Variants in ATP2B2 observed in about 807,000 individuals in gnomAD.
The protein encoded by ATP2B2 is ATPase plasma membrane Ca2+ transporting 2.
ATP2B2 carries 15 observed loss-of-function variants against 120.0 expected under a neutral mutation model. That is an observed-to-expected ratio of 0.12 (90% CI 0.08 to 0.19). The LOEUF (loss-of-function observed/expected upper bound fraction) is 0.19. ATP2B2 is among the 10% of genes least tolerant of loss of function. The probability of loss-of-function intolerance (pLI) is 1.00; values close to 1 mark genes in which losing one functional copy is unlikely to be tolerated. For missense variants in ATP2B2, 1,045 were observed against 1,719.8 expected, an observed-to-expected ratio of 0.61 and a Z score of 6.94; for synonymous variants, 694 against 700.3, an observed-to-expected ratio of 0.99 and a Z score of 0.14.
chr3:10,383,099 T>G (rs1000053378), intron 8 of ATP2B2, among the ~76,000 whole-genome samples: 1 of 150,412 alleles, frequency 6.6e-6, no homozygotes, highest in African/African-American at 2.4e-5. Flanking sequence ...TATTATACTT[T>G]AAGTTTTAGG....
intron 2 of ATP2B2, among the ~76,000 whole-genome samples, chr3:10,559,839 G>A (rs1005749153): frequency 1.3e-4 from 20 of 152,226 alleles, no homozygotes; most frequent in Non-Finnish European, 2.2e-4. Context: ...TGAGTCCCGG[G>A]TATTCCATTT....
At chr3:10,597,281 A>G (rs1449985067) in intron 2 of ATP2B2, among the ~76,000 whole-genome samples, 1 of 138,292 alleles carries the variant, frequency 7.2e-6, no homozygotes, top group Non-Finnish European at 1.5e-5. Flanking sequence ...GCACACACAC[A>G]GGTACACACA....
intron 2 of ATP2B2, among the ~76,000 whole-genome samples, chr3:10,419,719 C>T (rs1282881559): frequency 2.0e-5 from 3 of 152,224 alleles, no homozygotes; most frequent in Non-Finnish European, 2.9e-5. Context: ...GATGCACACA[C>T]TGAGGCACAG....
intron 2 of ATP2B2, among the ~76,000 whole-genome samples, chr3:10,589,099 G>A (rs1351405751): frequency 6.6e-6 from 1 of 152,196 alleles, no homozygotes; most frequent in Non-Finnish European, 1.5e-5. Flanking sequence ...GGGAGGACCT[G>A]GACCTGTAGG....
At chr3:10,528,801 A>G (rs1215470860) in intron 3 of ATP2B2, among the ~76,000 whole-genome samples, 1 of 152,244 alleles carries the variant, frequency 6.6e-6, no homozygotes, top group Non-Finnish European at 1.5e-5. Context: ...TTGCTTTTAA[A>G]AATACGGTTT....
chr3:10,692,769 G>A (rs1275927542), intron 1 of ATP2B2, among the ~76,000 whole-genome samples: 3 of 152,134 alleles, frequency 2.0e-5, no homozygotes, highest in Non-Finnish European at 4.4e-5. Context: ...ACAGCGATAT[G>A]CCCAGGAGCA....
chr3:10,582,235 T>C (rs1001182939), intron 2 of ATP2B2, among the ~76,000 whole-genome samples: 4 of 152,082 alleles, frequency 2.6e-5, no homozygotes, highest in African/African-American at 7.2e-5. Context: ...TTGGCCAGAA[T>C]TGCTGCAGGG....
chr3:10,666,075 C>T (rs115955764), intron 1 of ATP2B2, among the ~76,000 whole-genome samples: 18 of 152,324 alleles, frequency 1.2e-4, no homozygotes, highest in African/African-American at 4.1e-4. Flanking sequence ...GAATCGAGTT[C>T]ACCTGCTTAG....
exon 3 of ATP2B2, chr3:10,534,107 C>G (rs548203698): frequency 6.6e-6 from 1 of 152,530 alleles, no homozygotes; most frequent in African/African-American, 2.4e-5. Context: ...CTTGCTGGCT[C>G]TAGGGACTGG....
chr3:10,335,218 C>T (rs538061275), intron 22 of ATP2B2, among the ~76,000 whole-genome samples: 29 of 152,318 alleles, frequency 1.9e-4, no homozygotes, highest in Admixed American at 1.8e-3. Flanking sequence ...TCCCTCTGGG[C>T]CTGCTGGCAC....
intron 22 of ATP2B2, among the ~76,000 whole-genome samples, chr3:10,337,849 G>A (rs2060166172): frequency 6.6e-6 from 1 of 152,086 alleles, no homozygotes; most frequent in South Asian, 2.1e-4. Flanking sequence ...CTGAGCGACA[G>A]TCCCCTCACT....
chr3:10,345,351 C>G (rs377096228), intron 18 of ATP2B2, 33 bp downstream of exon 18: 17 of 1,613,058 alleles, frequency 1.1e-5, no homozygotes, highest in Non-Finnish European at 1.4e-5. Context: ...TCCGCCCTCC[C>G]CCAGGCTTTG....
At chr3:10,385,658 C>T (rs1284983558) in intron 7 of ATP2B2, among the ~76,000 whole-genome samples, 2 of 152,200 alleles carry the variant, frequency 1.3e-5, no homozygotes, top group African/African-American at 2.4e-5. Context: ...GAAGAGAGGG[C>T]TCCATGAAAT....
In ATP2B2 at chr3:10,553,992, C is replaced by G. The variant is rs117764714; in HGVS notation, c.-414-19859G>C. Among the ~76,000 whole-genome samples the G allele has an allele frequency of 4.6e-4, 50 of 109,514 alleles. No homozygotes were observed. In the East Asian group the frequency reaches 0.016, roughly 34 times the overall value. 71.8% of individuals were successfully genotyped at this position (109,514 alleles called of 152,430 possible). On this transcript the variant is annotated intron_variant, in intron 2 of 21. Coordinates refer to the ATP2B2 transcript ENST00000646379. ...TGAGCAGGAGCGGTACACAGACCCA[C>G]GTTTGTTTTCTGGGGGTCTAGTGGG...
chr3:10,627,165 G>A (rs2069727128), intron 1 of ATP2B2, among the ~76,000 whole-genome samples: 1 of 152,224 alleles, frequency 6.6e-6, no homozygotes, highest in Non-Finnish European at 1.5e-5. Context: ...CCCACAGTGT[G>A]GATGGCAGGT....
intron 2 of ATP2B2, among the ~76,000 whole-genome samples, chr3:10,587,559 T>C (rs1163000339): frequency 6.6e-6 from 1 of 152,072 alleles, no homozygotes; most frequent in Non-Finnish European, 1.5e-5. Context: ...TTTGTATTTT[T>C]AGTAGAGAGA....
rs908373087 is a variant in ATP2B2 at position 10,347,487 on chromosome 3, C to T, written c.2405-1350G>A. 2.0e-5 allele frequency among the ~76,000 whole-genome samples: 3 copies of T among 152,230 alleles called. No homozygotes were observed. Among genetic ancestry groups the T allele is most frequent in the African/African-American group, 7.2e-5 (3 of 41,460 alleles). ...GCGCTGAGTTCCATAACCTGGGGCA[C>T]TGTGCCCCCAACCTGCTCCCTTGCA... On this transcript the variant is annotated intron_variant, in intron 16 of 22. Coordinates refer to ENST00000360273, the MANE Select transcript of ATP2B2 (RefSeq NM_001001331.4). This position sits in a 1 kb window ranked among gnomAD's most constrained non-coding sequence, Gnocchi z 5.2.
chr3:10,486,959 C>T (rs2065703594), intron 1 of ATP2B2, among the ~76,000 whole-genome samples: 1 of 152,088 alleles, frequency 6.6e-6, no homozygotes, highest in African/African-American at 2.4e-5. Flanking sequence ...AACTCCTGAC[C>T]TCAAGTGATC....
At chr3:10,392,942 G>C (rs945182476) in intron 5 of ATP2B2, among the ~76,000 whole-genome samples, 4 of 152,232 alleles carry the variant, frequency 2.6e-5, no homozygotes, top group African/African-American at 9.6e-5. Context: ...GGAAGAAGAG[G>C]GTGTGGAGAG....
Sources: gnomAD v4.1 joint callset for allele counts (sites outside exome capture counted in the v4.1 genomes callset) on GRCh38, gnomAD v4.1.1 for gene constraint, Gnocchi (gnomAD v3.1) non-coding constraint, MANE v1.5 for transcripts, NCBI Gene and HGNC (gene_info 2026-07-23, HGNC 2026-07-21) for gene names.